The following ZNF789 variants were observed in gnomAD, a reference collection of about 807,000 sequenced individuals.
ZNF789 encodes zinc finger protein 789.
Under a neutral mutation model 15.6 loss-of-function variants are expected in ZNF789, and 11 were observed. The observed-to-expected ratio is 0.70, with a 90% CI of 0.44 to 1.16. ZNF789 has a LOEUF of 1.16. Among genes scored for constraint, ZNF789 ranks in the 50% most tolerant of loss-of-function variants. The pLI is 0.00. For synonymous variants in ZNF789, 159 were observed against 176.0 expected, an observed-to-expected ratio of 0.90 and a Z score of 0.76; for missense variants, 461 against 512.6, an observed-to-expected ratio of 0.90 and a Z score of 0.97.
intron 2 of ZNF789, chr7:99,478,367 G>A (rs1799443746): frequency 7.8e-7 from 1 of 1,289,380 alleles, no homozygotes; most frequent in South Asian, 1.2e-5. Context: ...GTGAGAAAGG[G>A]CCTGCAACCG....
chr7:99,476,502 G>T, intron 2 of ZNF789, 22 bp downstream of exon 2: 1 of 1,610,640 alleles, frequency 6.2e-7, no homozygotes, highest in South Asian at 1.1e-5. Context: ...CTCCCCCTCT[G>T]CTTCATCAGC....
chr7:99,484,034 T>G lies in ZNF789; in HGVS notation c.156T>G (p.Phe52Leu), dbSNP rs142709547. 1.8e-5 allele frequency: 29 copies of G among 1,613,990 alleles called. No homozygotes were observed. The African/African-American group carries it at 3.9e-4, about 22-fold the overall frequency. Reference sequence around the variant, plus strand: ...CATTTACTTCCCCATGAGTAGGATTTCAGTTTCCCAAACCTGAGATGATCT... The same window carrying G: ...CATTTACTTCCCCATGAGTAGGATTGCAGTTTCCCAAACCTGAGATGATCT... Reference protein sequence around the residue: ...ENYRNMVLLGFQFPKPEMICQ... With the variant: ...ENYRNMVLLGLQFPKPEMICQ... Residue 52 changes from phenylalanine (F) to leucine (L), a missense_variant, in exon 4 of 5, where the codon TTT (phenylalanine) becomes TTG (leucine). By Grantham distance (22) the Phe-to-Leu change is conservative. Transcript: ENST00000331410.
At chr7:99,477,676 T>C (rs1799408687) in intron 2 of ZNF789, among the ~76,000 whole-genome samples, 1 of 150,932 alleles carries the variant, frequency 6.6e-6, no homozygotes, top group Non-Finnish European at 1.5e-5. Flanking sequence ...AGAGGACCAG[T>C]GGCTCATGCC....
intron 3 of ZNF789, 165 bp from the exon 4 acceptor site, chr7:99,483,865 G>A (rs773759139): frequency 3.9e-5 from 31 of 787,546 alleles, no homozygotes; most frequent in Non-Finnish European, 7.1e-5. Flanking sequence ...TATGAACATT[G>A]TTCAGGCTTT....
In ZNF789 at chr7:99,484,637, A is replaced by G. The variant is rs1431168221; in HGVS notation, c.265+494A>G. ...TGTCTCAATTAAAAAATATATATAT[A>G]TATCACACAGGCCTGGTATGGGGGC... is the stretch of plus-strand genomic sequence containing the variant. On this transcript the variant is annotated intron_variant, in intron 4 of 4. Coordinates refer to ENST00000331410, the MANE Select transcript of ZNF789 (RefSeq NM_213603.3). 4.0e-5 allele frequency among the ~76,000 whole-genome samples: 6 copies of G among 150,586 alleles called. 1 individual carries two copies. The South Asian group carries it at 8.5e-4, about 21-fold the overall frequency.
chr7:99,482,011 G>C (rs992480629), intron 3 of ZNF789: 1 of 627,666 alleles, frequency 1.6e-6, no homozygotes, highest in African/African-American at 1.8e-5. Flanking sequence ...TTTGGATTTC[G>C]GATTTTTCTT....
chr7:99,485,066 A>G, intron 4 of ZNF789: 1 of 942,144 alleles, frequency 1.1e-6, no homozygotes, highest in Non-Finnish European at 1.6e-6. Flanking sequence ...CTCTTAGGGC[A>G]CCCTGGATGC....
At chr7:99,476,381 A>T in intron 1 of ZNF789, 22 bp from the exon 2 acceptor site, 1 of 1,567,676 alleles carries the variant, frequency 6.4e-7, no homozygotes, top group Non-Finnish European at 8.7e-7. Flanking sequence ...GGCTGGCCTT[A>T]CTGACTTTTT....
At chr7:99,482,860 A>G (rs1015108364) in intron 3 of ZNF789, among the ~76,000 whole-genome samples, 1 of 151,962 alleles carries the variant, frequency 6.6e-6, no homozygotes, top group African/African-American at 2.4e-5. Context: ...TGTCTCAAAA[A>G]TAAAAAAAAT....
chr7:99,487,027 G>T lies in ZNF789; in HGVS notation c.817G>T (p.Val273Phe), dbSNP rs747954503. Reference protein sequence around the residue: ...GKCFRQLAYLVEHKRIHTKEK... With the variant: ...GKCFRQLAYLFEHKRIHTKEK... Reference sequence around the variant, plus strand: ...GTGTTTTCGGCAGCTCGCGTATCTTGTTGAACATAAGAGGATTCACACCAA... The same window carrying T: ...GTGTTTTCGGCAGCTCGCGTATCTTTTTGAACATAAGAGGATTCACACCAA... Residue 273 changes from valine (V) to phenylalanine (F), a missense_variant, in exon 5 of 5, where the codon GTT becomes TTT. By Grantham distance (50) the Val-to-Phe change is conservative (BLOSUM62 -1). Coordinates refer to ENST00000331410, the MANE Select transcript of ZNF789 (RefSeq NM_213603.3). 30 of 1,613,936 alleles carry T rather than the reference G, an allele frequency of 1.9e-5. No homozygotes were observed. The highest frequency in any genetic ancestry group is 1.6e-4 in the Middle Eastern group (1 of 6,084).
chr7:99,483,251 A>T (rs1799742164), intron 3 of ZNF789, among the ~76,000 whole-genome samples: 1 of 151,932 alleles, frequency 6.6e-6, no homozygotes, highest in Non-Finnish European at 1.5e-5. Context: ...TAAATAAATA[A>T]AAATAAAAAT....
chr7:99,479,069 C>G (rs1248660201), intron 2 of ZNF789: 1 of 152,472 alleles, frequency 6.6e-6, no homozygotes, highest in Non-Finnish European at 1.5e-5. Context: ...GGCCCTGGTT[C>G]CCCAGGGTGG....
chr7:99,482,222 T>C (rs201545224), intron 3 of ZNF789: 196 of 779,188 alleles, frequency 2.5e-4, no homozygotes, highest in Admixed American at 3.4e-4. Flanking sequence ...ACATTCATCT[T>C]GGTTGCAATT....
intron 4 of ZNF789, 33 bp downstream of exon 4, chr7:99,484,176 C>T (rs1426504528): frequency 2.6e-6 from 4 of 1,565,766 alleles, no homozygotes; most frequent in South Asian, 1.1e-5. Flanking sequence ...CGAGTGGAAT[C>T]AGGAAGAGGA....
At chr7:99,483,309 AATAAATAAATAAATAAATTT>A (rs1480449927) in intron 3 of ZNF789, among the ~76,000 whole-genome samples, 1 of 151,908 alleles carries the variant, frequency 6.6e-6, no homozygotes, top group Non-Finnish European at 1.5e-5. Flanking sequence ...TCCATCTCAA[AATAAATAAATAAATAAATTT>A]ATAAATAAAT....
At chr7:99,477,628 C>T (rs1455230362) in intron 2 of ZNF789, among the ~76,000 whole-genome samples, 2 of 151,958 alleles carry the variant, frequency 1.3e-5, no homozygotes, top group African/African-American at 2.4e-5. Context: ...TGTGAGCCAC[C>T]GCGCCCAGCC....
chr7:99,478,694 A>G, intron 2 of ZNF789: 1 of 314,576 alleles, frequency 3.2e-6, no homozygotes, highest in South Asian at 2.6e-5. Context: ...TGGAGGGGGC[A>G]GTCACTTGCA....
chr7:99,485,839 A>C (rs1799909587), intron 4 of ZNF789, among the ~76,000 whole-genome samples: 2 of 152,140 alleles, frequency 1.3e-5, no homozygotes, highest in African/African-American at 4.8e-5. Context: ...ATGTATCTTG[A>C]AGCATAACAT....
chr7:99,474,649 C>G (rs1322468788), intron 1 of ZNF789, among the ~76,000 whole-genome samples: 4 of 151,808 alleles, frequency 2.6e-5, no homozygotes, highest in Admixed American at 6.6e-5. Context: ...CAAAGTCGTC[C>G]TGGGCCATAT....
Sources: allele counts gnomAD v4.1 joint callset (sites outside exome capture counted in the v4.1 genomes callset), GRCh38; gene constraint gnomAD v4.1.1; transcripts MANE v1.5; gene names NCBI Gene and HGNC (gene_info 2026-07-23, HGNC 2026-07-21).